FSTL1: variants seen among roughly 807,000 people sequenced by gnomAD.
FSTL1 encodes the protein follistatin-related protein 1.
FSTL1 carries 24 observed loss-of-function variants against 45.9 expected under a neutral mutation model. The observed-to-expected ratio is 0.52, with a 90% CI of 0.38 to 0.74. FSTL1 has a LOEUF of 0.74. FSTL1 is among the 30% of genes least tolerant of loss of function. The pLI, the probability that FSTL1 is intolerant of heterozygous loss-of-function variation, is 0.00. For synonymous variants in FSTL1, 120 were observed against 137.6 expected, an observed-to-expected ratio of 0.87 and a Z score of 0.89; for missense variants, 340 against 381.8, an observed-to-expected ratio of 0.89 and a Z score of 0.91.
chr3:120,428,911 TG>T (rs1937430642), intron 2 of FSTL1, among the ~76,000 whole-genome samples: 1 of 152,208 alleles, frequency 6.6e-6, no homozygotes, highest in Non-Finnish European at 1.5e-5. Flanking sequence ...CAAAGCTAAA[TG>T]AAGTCTCCAT....
intron 2 of FSTL1, among the ~76,000 whole-genome samples, chr3:120,446,951 T>C (rs1937758376): frequency 6.6e-6 from 1 of 152,280 alleles, no homozygotes; most frequent in Middle Eastern, 3.4e-3. Flanking sequence ...TACAAATCAG[T>C]TAACTGTACA....
At chr3:120,445,994 CCT>C (rs1379804662) in intron 2 of FSTL1, among the ~76,000 whole-genome samples, 1 of 146,264 alleles carries the variant, frequency 6.8e-6, no homozygotes, top group African/African-American at 2.8e-5. Context: ...ATGCATTTGC[CCT>C]CTGAGGACAT....
intron 6 of FSTL1, among the ~76,000 whole-genome samples, chr3:120,408,388 A>G (rs1483761428): frequency 6.6e-6 from 1 of 152,268 alleles, no homozygotes; most frequent in Admixed American, 6.5e-5. Context: ...AGAAATCTCT[A>G]TGTAAAAATG....
rs574520988 is a variant in FSTL1, at chr3:120,444,880, G to C, written c.63+5804C>G. 1.3e-5 allele frequency among the ~76,000 whole-genome samples: 2 copies of C among 149,612 alleles called. 1 individual carries two copies. Among genetic ancestry groups the C allele is most frequent in the African/African-American group, 5.1e-5 (2 of 39,006 alleles). ...AATTAAATTATAATCATTTGCCGGC[G>C]CTTCAAAATGTTTTTGTAAATGCTT... On this transcript the variant is annotated intron_variant, in intron 2 of 10. Transcript: ENST00000295633.
rs537590582 is a variant in FSTL1, at chr3:120,395,602, G to A, written c.*1350C>T. The A allele has an allele frequency of 3.9e-6, 2 of 517,198 alleles. No individual in the cohort carries two copies. Among genetic ancestry groups the A allele is most frequent in the South Asian group, 2.9e-5 (2 of 69,264 alleles). 32.0% of individuals were successfully genotyped at this position (517,198 alleles called of 1,614,324 possible). On this transcript the variant is annotated 3_prime_UTR_variant, in exon 11 of 11. Transcript: ENST00000295633. ...CATAGCACGACCTGTAGGGTCATCA[G>A]GCTGAGATCAAATCTGGTCATCTTG...
intron 2 of FSTL1, among the ~76,000 whole-genome samples, chr3:120,432,407 G>C (rs151221463): frequency 6.6e-6 from 1 of 152,140 alleles, no homozygotes; most frequent in East Asian, 1.9e-4. Context: ...CTGACAGGAG[G>C]CCCACCAATG....
chr3:120,447,948 G>A (rs146259059), intron 2 of FSTL1, among the ~76,000 whole-genome samples: 1 of 152,300 alleles, frequency 6.6e-6, no homozygotes, highest in African/African-American at 2.4e-5. Context: ...ACTGAGCCCA[G>A]GCTCCTTTAT....
At chr3:120,431,848 T>C (rs1031333227) in intron 2 of FSTL1, among the ~76,000 whole-genome samples, 1 of 152,178 alleles carries the variant, frequency 6.6e-6, no homozygotes, top group Non-Finnish European at 1.5e-5. Context: ...TCAGGCTGCA[T>C]CTGGGACCAG....
Position 120,392,384 on chromosome 3 carries a change from A to G in FSTL1, c.*4568T>C, listed in dbSNP as rs1936610734. 6.6e-6 allele frequency: 1 copy of G among 152,256 alleles called. No homozygotes were observed. Among genetic ancestry groups the G allele is most frequent in the Non-Finnish European group, 1.5e-5 (1 of 68,048 alleles). 9.4% of individuals were successfully genotyped at this position (152,256 alleles called of 1,614,324 possible). Reference sequence around the variant, plus strand: ...ACCATTTTTCCTCTATCAGAGGCCAAAAAGTTCGAAGGCACAATGTTTGCA... The same window carrying G: ...ACCATTTTTCCTCTATCAGAGGCCAGAAAGTTCGAAGGCACAATGTTTGCA... On this transcript the variant is annotated 3_prime_UTR_variant, in exon 11 of 11. Coordinates refer to ENST00000295633, the MANE Select transcript of FSTL1 (RefSeq NM_007085.5).
At chr3:120,404,750 T>C (rs759197189) in intron 7 of FSTL1, 103 bp downstream of exon 7, 10 of 724,704 alleles carry the variant, frequency 1.4e-5, no homozygotes, top group Non-Finnish European at 2.0e-5. Context: ...TTACGTGACA[T>C]TCTCTCACTG....
rs6775784 is a variant in FSTL1 at position 120,426,461 on chromosome 3, G to A, written c.64-10434C>T. Among the ~76,000 whole-genome samples the A allele has an allele frequency of 3.3e-3, 500 of 152,218 alleles. 2 individuals carry two copies. The highest frequency in any genetic ancestry group is 0.011 in the African/African-American group (473 of 41,522). Reference sequence around the variant, plus strand: ...GTGGAAGGCAGATGAGATGGATATCGCCTAAGAGGTATCTAGTTCTCCACT... The same window carrying A: ...GTGGAAGGCAGATGAGATGGATATCACCTAAGAGGTATCTAGTTCTCCACT... On this transcript the variant is annotated intron_variant, in intron 2 of 10. Transcript: ENST00000295633.
At chr3:120,412,833 C>T (rs559314148) in intron 3 of FSTL1, among the ~76,000 whole-genome samples, 1,377 of 77,274 alleles carry the variant, frequency 0.018, 10 homozygotes, top group Non-Finnish European at 0.033. Flanking sequence ...CGCGCGCGCG[C>T]GCGCGCACAC....
chr3:120,397,061 C>T (rs1220137569), intron 10 of FSTL1, 65 bp from the exon 11 acceptor site: 1 of 1,253,636 alleles, frequency 8.0e-7, no homozygotes, highest in East Asian at 2.3e-5. Flanking sequence ...TTTATCTGTT[C>T]CTCAAGACTA....
intron 3 of FSTL1, among the ~76,000 whole-genome samples, chr3:120,413,144 C>G (rs1199420476): frequency 6.6e-6 from 1 of 152,076 alleles, no homozygotes; most frequent in East Asian, 1.9e-4. Flanking sequence ...AGGGGAGAAG[C>G]AGGAAGTAAA....
chr3:120,429,306 G>T (rs1235540503), intron 2 of FSTL1, among the ~76,000 whole-genome samples: 7 of 152,242 alleles, frequency 4.6e-5, no homozygotes, highest in African/African-American at 1.7e-4. Context: ...GCTGAGTGAG[G>T]ATCAGTGAGG....
At chr3:120,443,314 T>C (rs544743724) in intron 2 of FSTL1, among the ~76,000 whole-genome samples, 24 of 149,462 alleles carry the variant, frequency 1.6e-4, no homozygotes, top group Non-Finnish European at 2.1e-4. Flanking sequence ...ATCTGACCCC[T>C]AATGGCCAAG....
intron 2 of FSTL1, among the ~76,000 whole-genome samples, chr3:120,429,269 A>C (rs1483683402): frequency 6.6e-6 from 1 of 152,234 alleles, no homozygotes; most frequent in Non-Finnish European, 1.5e-5. Context: ...GCTGAAGAGT[A>C]ATCTCTGGTC....
At chr3:120,413,899 C>G (rs1234111893) in intron 3 of FSTL1, among the ~76,000 whole-genome samples, 1 of 150,762 alleles carries the variant, frequency 6.6e-6, no homozygotes, top group African/African-American at 2.4e-5. Context: ...CTGCCTGATT[C>G]TCCTGACTCA....
chr3:120,441,608 T>C (rs1211944082), intron 2 of FSTL1, among the ~76,000 whole-genome samples: 7 of 152,264 alleles, frequency 4.6e-5, no homozygotes, highest in Non-Finnish European at 1.0e-4. Context: ...GAGACTTCTG[T>C]ATGCCATGAA....
Sources: allele counts gnomAD v4.1 joint callset (sites outside exome capture counted in the v4.1 genomes callset), GRCh38; gene constraint gnomAD v4.1.1; transcripts MANE v1.5; gene names NCBI Gene and HGNC (gene_info 2026-07-23, HGNC 2026-07-21).